Variants in CA10 observed in about 807,000 individuals in gnomAD.
The protein encoded by CA10 is carbonic anhydrase-related protein 10.
CA10 carries 14 observed loss-of-function variants against 44.2 expected under a neutral mutation model. The ratio of observed to expected loss-of-function variants is 0.32; its 90% CI spans 0.21 to 0.50. The LOEUF (loss-of-function observed/expected upper bound fraction) is 0.50. CA10 is among the 20% of genes least tolerant of loss of function. The pLI, the probability that CA10 is intolerant of heterozygous loss-of-function variation, is 0.99. For missense variants in CA10, 350 were observed against 409.7 expected (o/e 0.85, Z 1.26); for synonymous variants, 159 against 141.6 (o/e 1.12, Z -0.87).
chr17:51,682,486 A>G (rs1392582177), intron 4 of CA10, among the ~76,000 whole-genome samples: 1 of 152,238 alleles, frequency 6.6e-6, no homozygotes, highest in Non-Finnish European at 1.5e-5. Context: ...TTTATAAATC[A>G]GCAGGTAAGT....
intron 2 of CA10, among the ~76,000 whole-genome samples, chr17:52,019,012 G>A (rs1407125133): frequency 6.6e-6 from 1 of 152,054 alleles, no homozygotes; most frequent in East Asian, 1.9e-4. Flanking sequence ...CTCTCACCAT[G>A]TGACATGCTT....
chr17:51,944,788 G>C (rs1273326468), intron 2 of CA10, among the ~76,000 whole-genome samples: 5 of 152,254 alleles, frequency 3.3e-5, no homozygotes, highest in Non-Finnish European at 5.9e-5. Context: ...TGAGGAGGTA[G>C]TACTTTCAGA....
At chr17:51,981,251 C>A (rs571387860) in intron 2 of CA10, among the ~76,000 whole-genome samples, 5 of 151,984 alleles carry the variant, frequency 3.3e-5, no homozygotes, top group Admixed American at 3.3e-4. Flanking sequence ...TTGATCATAA[C>A]CCCAAACTGA....
intron 1 of CA10, among the ~76,000 whole-genome samples, chr17:52,146,866 G>A (rs1989600064): frequency 6.6e-6 from 1 of 152,138 alleles, no homozygotes; most frequent in East Asian, 1.9e-4. Flanking sequence ...ACCATAGGAG[G>A]TAGCACAGCC....
intron 3 of CA10, among the ~76,000 whole-genome samples, chr17:51,784,529 G>A (rs886377390): frequency 2.0e-5 from 3 of 152,138 alleles, no homozygotes; most frequent in Non-Finnish European, 4.4e-5. Context: ...CCCCTTCCCA[G>A]CCTCTGGTAA....
intron 3 of CA10, among the ~76,000 whole-genome samples, chr17:51,818,476 T>G (rs1476573215): frequency 6.6e-6 from 1 of 152,192 alleles, no homozygotes; most frequent in Non-Finnish European, 1.5e-5. Flanking sequence ...TTCTTTTAGC[T>G]GTTGAAGAAA....
Position 52,149,147 on chromosome 17 carries a change from T to C in CA10, c.61+8579A>G, listed in dbSNP as rs759268959. 9.6e-4 allele frequency among the ~76,000 whole-genome samples: 147 copies of C among 152,372 alleles called. 2 individuals carry two copies. Among genetic ancestry groups the C allele is most frequent in the Admixed American group, 6.7e-3 (102 of 15,310 alleles). On this transcript the variant is annotated intron_variant, in intron 1 of 8. Transcript: ENST00000451037. ...TCACATCCTTCAGTAAATCTGTTTA[T>C]TCCAACTCTGGCATTGCTGCCAAAT...
chr17:51,990,705 A>G (rs907785063), intron 2 of CA10, among the ~76,000 whole-genome samples: 6 of 152,086 alleles, frequency 3.9e-5, no homozygotes, highest in Admixed American at 2.6e-4. Context: ...AAAGGGTCCA[A>G]TTCTTCTTCC....
At chr17:52,072,717 A>ACACACAC (rs59430467) in intron 1 of CA10, among the ~76,000 whole-genome samples, 1 of 106,518 alleles carries the variant, frequency 9.4e-6, no homozygotes, top group African/African-American at 4.2e-5. Context: ...ACACACACAC[A>ACACACAC]ACACACACAC....
chr17:52,039,993 T>C (rs1046538385), intron 2 of CA10, among the ~76,000 whole-genome samples: 12 of 152,098 alleles, frequency 7.9e-5, no homozygotes, highest in Non-Finnish European at 1.5e-4. Flanking sequence ...CAAGCAATCC[T>C]GAGTTAGAAC....
chr17:51,898,477 A>T (rs1232022200), intron 3 of CA10, among the ~76,000 whole-genome samples: 1 of 151,974 alleles, frequency 6.6e-6, no homozygotes, highest in Admixed American at 6.6e-5. Flanking sequence ...CGATTTTTGC[A>T]TCTATTTTCT....
chr17:51,750,635 G>A (rs1452753998), intron 3 of CA10, among the ~76,000 whole-genome samples: 1 of 152,174 alleles, frequency 6.6e-6, no homozygotes, highest in Non-Finnish European at 1.5e-5. Flanking sequence ...ACTATGTATT[G>A]CTGCATCCAT....
intron 3 of CA10, among the ~76,000 whole-genome samples, chr17:51,886,790 A>C (rs1980621083): frequency 6.6e-6 from 1 of 152,196 alleles, no homozygotes; most frequent in Non-Finnish European, 1.5e-5. Context: ...AAAAAGGCAA[A>C]GGAAGAGTGA....
At chr17:52,035,807 T>C (rs965652049) in intron 2 of CA10, among the ~76,000 whole-genome samples, 2 of 152,212 alleles carry the variant, frequency 1.3e-5, no homozygotes, top group African/African-American at 2.4e-5. Context: ...CGGTGGGCTA[T>C]GTAAATGAGG....
chr17:51,849,262 TATAA>T (rs1567860562), intron 3 of CA10, among the ~76,000 whole-genome samples: 9 of 137,944 alleles, frequency 6.5e-5, no homozygotes, highest in Non-Finnish European at 1.3e-4. Flanking sequence ...TATATATATA[TATAA>T]AACTAAGTTT....
chr17:52,102,965 C>T (rs989572477), intron 1 of CA10, among the ~76,000 whole-genome samples: 11 of 152,118 alleles, frequency 7.2e-5, no homozygotes, highest in Non-Finnish European at 1.5e-4. Flanking sequence ...TCCTCAAGGG[C>T]TTTCATGTAT....
chr17:51,964,359 G>A (rs148098811), intron 2 of CA10, among the ~76,000 whole-genome samples: 13 of 151,954 alleles, frequency 8.6e-5, no homozygotes, highest in East Asian at 3.9e-4. Flanking sequence ...GATCATCAAC[G>A]CAGAAAACTA....
At chr17:51,864,701 G>C (rs968815705) in intron 3 of CA10, among the ~76,000 whole-genome samples, 1 of 152,192 alleles carries the variant, frequency 6.6e-6, no homozygotes, top group Non-Finnish European at 1.5e-5. Context: ...CCTTGATGCA[G>C]GACAGCATTT....
intron 3 of CA10, among the ~76,000 whole-genome samples, chr17:51,863,871 A>T (rs1408797387): frequency 6.6e-6 from 1 of 152,200 alleles, no homozygotes; most frequent in Non-Finnish European, 1.5e-5. Context: ...TAGGACTGCC[A>T]ACCGGGAAAG....
Sources: gnomAD v4.1 joint callset for allele counts (sites outside exome capture counted in the v4.1 genomes callset) on GRCh38, gnomAD v4.1.1 for gene constraint, MANE v1.5 for transcripts, NCBI Gene and HGNC (gene_info 2026-07-23, HGNC 2026-07-21) for gene names.